CYTH1: variants seen among roughly 807,000 people sequenced by gnomAD.
CYTH1 encodes cytohesin 1, also known as cytohesin-1.
Under a neutral mutation model 61.8 loss-of-function variants are expected in CYTH1, and 18 were observed. That is an observed-to-expected ratio of 0.29 (90% CI 0.20 to 0.43). The LOEUF is 0.43. Ranked by LOEUF, CYTH1 falls within the 20% of genes least tolerant of loss-of-function variation. The pLI is 1.00. For missense variants in CYTH1, 336 were observed against 510.5 expected, an observed-to-expected ratio of 0.66 and a Z score of 3.29; for synonymous variants, 174 against 184.3, an observed-to-expected ratio of 0.94 and a Z score of 0.45.
intron 3 of CYTH1, among the ~76,000 whole-genome samples, chr17:78,703,067 T>C (rs1196063030): frequency 2.0e-5 from 3 of 150,926 alleles, no homozygotes; most frequent in Non-Finnish European, 2.9e-5. Flanking sequence ...ATTACAGGCA[T>C]AAGCCACTGT....
At chr17:78,709,800 G>A in intron 1 of CYTH1, 68 bp from the exon 2 acceptor site, 1 of 1,402,474 alleles carries the variant, frequency 7.1e-7, no homozygotes, top group Non-Finnish European at 1.0e-6. Context: ...AGATCCAGAG[G>A]CCACAAAAGG....
intron 13 of CYTH1, 160 bp from the exon 14 acceptor site, chr17:78,676,329 CCACA>C (rs918372799): frequency 1.5e-6 from 1 of 653,324 alleles, no homozygotes; most frequent in African/African-American, 1.8e-5. Context: ...CTTGCTGTGT[CCACA>C]CAGTGACCTA....
At chr17:78,699,468 T>TTAA (rs1372073933) in intron 7 of CYTH1, among the ~76,000 whole-genome samples, 1 of 151,904 alleles carries the variant, frequency 6.6e-6, no homozygotes, top group Non-Finnish European at 1.5e-5. Context: ...CACGAAAAAG[T>TTAA]ATATAAAGTA....
rs547065237 is a variant in CYTH1, at chr17:78,711,261, CAAATAAATAAAT to C, written c.23-1541_23-1530del. On this transcript the variant is annotated intron_variant, in intron 1 of 13. Transcript: ENST00000446868. ...TGGGAGACAGTACAAGACTCCATCT[CAAATAAATAAAT>C]AAATAAATAAATAAATAAATAAATA... 5.1e-3 allele frequency among the ~76,000 whole-genome samples: 725 copies of C among 141,494 alleles called. 23 individuals are homozygous for C. In the East Asian group the frequency reaches 0.08, roughly 16 times the overall value. 92.8% of individuals were successfully genotyped at this position (141,494 alleles called of 152,430 possible).
intron 1 of CYTH1, among the ~76,000 whole-genome samples, chr17:78,752,441 T>C (rs1346918770): frequency 6.6e-6 from 1 of 150,748 alleles, no homozygotes; most frequent in East Asian, 1.9e-4. Flanking sequence ...ACAGAGAACT[T>C]CTTTTTTTTG....
At chr17:78,682,872 T>TC (rs2092777670) in intron 11 of CYTH1, among the ~76,000 whole-genome samples, 1 of 152,230 alleles carries the variant, frequency 6.6e-6, no homozygotes, top group Non-Finnish European at 1.5e-5. Flanking sequence ...GGGTATTCAG[T>TC]AAGCCTTCCA....
rs1429548534 is a variant in CYTH1 at position 78,700,710 on chromosome 17, A to G, written c.438-267T>C. ...GGCTAATTTTTTGTATTTTTAGTAG[A>G]GACGGGGTTTCACCATGCTGGCCAG... On this transcript the variant is annotated intron_variant, in intron 6 of 13. Coordinates refer to ENST00000446868, the MANE Select transcript of CYTH1 (RefSeq NM_004762.6). The surrounding 1 kb of genome is among the most constrained non-coding windows in gnomAD (Gnocchi z 5.1). 1.3e-5 allele frequency among the ~76,000 whole-genome samples: 2 copies of G among 152,012 alleles called. No individual in the cohort carries two copies. The highest frequency in any genetic ancestry group is 2.9e-5 in the Non-Finnish European group (2 of 68,004).
rs1301403093 is a variant in CYTH1 at position 78,700,727 on chromosome 17, GC to G, written c.438-285del. ...TTTAGTAGAGACGGGGTTTCACCAT[GC>G]TGGCCAGGCTGGTCTCAAACTCCTG... On this transcript the variant is annotated intron_variant, in intron 6 of 13. Transcript: ENST00000446868. The surrounding 1 kb of genome is among the most constrained non-coding windows in gnomAD (Gnocchi z 5.1). 6.6e-6 allele frequency among the ~76,000 whole-genome samples: 1 copy of G among 152,026 alleles called. No homozygotes were observed. The highest frequency in any genetic ancestry group is 2.4e-5 in the African/African-American group (1 of 41,382).
At chr17:78,708,398 G>C in intron 2 of CYTH1, 137 bp from the exon 3 acceptor site, 1 of 780,500 alleles carries the variant, frequency 1.3e-6, no homozygotes, top group Non-Finnish European at 2.1e-6. Context: ...AATGCAAAAA[G>C]TAAATTAGGA....
chr17:78,751,243 T>C (rs933400556), intron 1 of CYTH1, among the ~76,000 whole-genome samples: 23 of 152,236 alleles, frequency 1.5e-4, no homozygotes, highest in African/African-American at 5.3e-4. Flanking sequence ...CCTCCCACAG[T>C]GCTGGGATTA....
chr17:78,739,571 A>C (rs1464490469), intron 1 of CYTH1, among the ~76,000 whole-genome samples: 2 of 152,154 alleles, frequency 1.3e-5, no homozygotes, highest in Non-Finnish European at 2.9e-5. Context: ...GGCGAACTGC[A>C]TGGGGCCTTG....
At chr17:78,718,030 A>C (rs2093196709) in intron 1 of CYTH1, among the ~76,000 whole-genome samples, 1 of 152,148 alleles carries the variant, frequency 6.6e-6, no homozygotes, top group African/African-American at 2.4e-5. Context: ...GTAATTAAGG[A>C]GTGAGCCCTC....
At chr17:78,730,767 C>T (rs2144592159) in intron 1 of CYTH1, among the ~76,000 whole-genome samples, 1 of 151,894 alleles carries the variant, frequency 6.6e-6, no homozygotes, top group Admixed American at 6.5e-5. Context: ...TGGGTTCACG[C>T]CGTTCTCCTG....
chr17:78,697,238 A>G (rs2092948224), intron 9 of CYTH1, among the ~76,000 whole-genome samples: 1 of 150,498 alleles, frequency 6.6e-6, no homozygotes, highest in African/African-American at 2.4e-5. Context: ...GGGCTGGTAT[A>G]GGACGGAACA....
intron 11 of CYTH1, among the ~76,000 whole-genome samples, chr17:78,681,457 G>A (rs1023628599): frequency 9.9e-5 from 15 of 152,138 alleles, no homozygotes; most frequent in Non-Finnish European, 1.6e-4. Context: ...TGGGACTGCA[G>A]CTGTGGGTCT....
In CYTH1 at chr17:78,676,090, C is replaced by T. The variant is rs2092695273; in HGVS notation, c.*1G>A. The T allele has an allele frequency of 2.5e-6, 4 of 1,606,432 alleles. No individual in the cohort carries two copies. Among genetic ancestry groups the T allele is most frequent in the Non-Finnish European group, 3.4e-6 (4 of 1,176,728 alleles). ...GCAGACCAACGCCCTTGGCTGCACG[C>T]TCAGTGTCGCTTCGTGGAGGAGACC... On this transcript the variant is annotated 3_prime_UTR_variant, in exon 14 of 14. Transcript: ENST00000446868.
intron 11 of CYTH1, among the ~76,000 whole-genome samples, chr17:78,689,453 G>T (rs1356640694): frequency 6.6e-6 from 1 of 152,146 alleles, no homozygotes; most frequent in Non-Finnish European, 1.5e-5. Flanking sequence ...TTACAATAGG[G>T]TTCGTGCTCC....
chr17:78,757,295 G>A (rs1200165502), intron 1 of CYTH1, among the ~76,000 whole-genome samples: 1 of 151,878 alleles, frequency 6.6e-6, no homozygotes, highest in East Asian at 1.9e-4. Context: ...CATCCTTTGG[G>A]GGGATGACCG....
At chr17:78,739,333 A>C (rs1486751567) in intron 1 of CYTH1, among the ~76,000 whole-genome samples, 1 of 152,264 alleles carries the variant, frequency 6.6e-6, no homozygotes, top group Non-Finnish European at 1.5e-5. Context: ...TAAAGAGACA[A>C]AATGCCTGCC....
Sources: gnomAD v4.1 joint callset for allele counts (sites outside exome capture counted in the v4.1 genomes callset) on GRCh38, gnomAD v4.1.1 for gene constraint, Gnocchi (gnomAD v3.1) non-coding constraint, MANE v1.5 for transcripts, NCBI Gene and HGNC (gene_info 2026-07-23, HGNC 2026-07-21) for gene names.